The following DNAH7 variants were observed in gnomAD, a reference collection of about 807,000 sequenced individuals.
DNAH7 encodes axonemal beta dynein heavy chain 7.
DNAH7 carries 397 observed loss-of-function variants against 444.6 expected under a neutral mutation model. The ratio of observed to expected loss-of-function variants is 0.89; its 90% CI spans 0.82 to 0.97. The LOEUF is 0.97. Ranked by LOEUF, DNAH7 falls within the 50% of genes least tolerant of loss-of-function variation. DNAH7 has a pLI of 0.00. For synonymous variants in DNAH7, 1,636 were observed against 1,624.4 expected, an observed-to-expected ratio of 1.01 and a Z score of -0.17; for missense variants, 4,902 against 4,800.8, an observed-to-expected ratio of 1.02 and a Z score of -0.62.
At chr2:195,787,253 A>G in intron 57 of DNAH7, 82 bp from the exon 58 acceptor site, 1 of 1,379,252 alleles carries the variant, frequency 7.3e-7, no homozygotes, top group Non-Finnish European at 9.8e-7. Flanking sequence ...ATGAAAGCAA[A>G]TTTCTTTCAT....
intron 57 of DNAH7, among the ~76,000 whole-genome samples, chr2:195,794,042 C>T (rs898213932): frequency 1.3e-5 from 2 of 152,132 alleles, no homozygotes; most frequent in African/African-American, 4.8e-5. Flanking sequence ...ATTCTCCAAC[C>T]TTGCAGATTT....
At chr2:195,908,140 A>G (rs1687147809) in intron 25 of DNAH7, among the ~76,000 whole-genome samples, 1 of 152,162 alleles carries the variant, frequency 6.6e-6, no homozygotes, top group South Asian at 2.1e-4. Context: ...AGCAATATAT[A>G]CCAGACATTT....
intron 60 of DNAH7, 86 bp from the exon 61 acceptor site, chr2:195,771,976 T>C: frequency 8.7e-7 from 1 of 1,143,512 alleles, no homozygotes; most frequent in Non-Finnish European, 1.3e-6. Context: ...TAAATCTTTA[T>C]AAGAAAGAAC....
At chr2:195,932,518 T>C (rs548541287) in intron 21 of DNAH7, among the ~76,000 whole-genome samples, 1 of 152,198 alleles carries the variant, frequency 6.6e-6, no homozygotes, top group African/African-American at 2.4e-5. Flanking sequence ...ATGCTTCTAG[T>C]TTTTGCCCAT....
chr2:195,873,156 C>T (rs1229202110), intron 39 of DNAH7, among the ~76,000 whole-genome samples: 1 of 152,194 alleles, frequency 6.6e-6, no homozygotes, highest in East Asian at 1.9e-4. Flanking sequence ...GTCAGCTTGG[C>T]TCCCTGATAT....
intron 25 of DNAH7, 47 bp from the exon 26 acceptor site, chr2:195,907,056 G>T (rs6710775): frequency 3.5e-6 from 5 of 1,418,462 alleles, no homozygotes; most frequent in Non-Finnish European, 2.0e-6. Context: ...CTGATTCAAT[G>T]TTGCAATGAA....
In DNAH7 at chr2:195,900,308, C is replaced by A; in HGVS notation, c.4522G>T (p.Val1508Phe). ...YDYGMRAVKS[V>F]LTAAGNLKLK... ...TTCAGATTCCCAGCAGCAGTAAGAACTGACTTCACGGCTCTCATTCCATAG... is the reference window on the plus strand; with the variant it reads ...TTCAGATTCCCAGCAGCAGTAAGAAATGACTTCACGGCTCTCATTCCATAG... The change falls in exon 28 of 65, where the codon GTT becomes TTT. Residue 1508 changes from valine to phenylalanine, a missense_variant. Coordinates refer to ENST00000312428, the MANE Select transcript of DNAH7 (RefSeq NM_018897.3). The A allele has an allele frequency of 6.2e-7, 1 of 1,613,948 alleles. No homozygotes were observed. The highest frequency in any genetic ancestry group is 1.1e-5 in the South Asian group (1 of 91,084).
intron 61 of DNAH7, among the ~76,000 whole-genome samples, chr2:195,764,634 T>G (rs1358168317): frequency 2.6e-5 from 4 of 151,780 alleles, no homozygotes; most frequent in Non-Finnish European, 5.9e-5. Flanking sequence ...AGAATCCCAT[T>G]TACAATAGCT....
intron 39 of DNAH7, among the ~76,000 whole-genome samples, chr2:195,872,911 C>T (rs538637319): frequency 3.3e-5 from 5 of 150,588 alleles, no homozygotes; most frequent in African/African-American, 1.2e-4. Flanking sequence ...AATTAAAATA[C>T]GTAAAAAAAA....
intron 51 of DNAH7, 74 bp from the exon 52 acceptor site, chr2:195,809,945 G>A: frequency 8.3e-7 from 1 of 1,198,718 alleles, no homozygotes; most frequent in Non-Finnish European, 1.1e-6. Context: ...AAACTTACAT[G>A]TATGTTCTTC....
chr2:195,864,897 T>C lies in DNAH7; in HGVS notation c.6758A>G (p.Asp2253Gly). Residue 2253 changes from aspartate to glycine, a missense_variant, in exon 41 of 65, where the codon GAT (aspartate) becomes GGT (glycine). Coordinates refer to ENST00000312428, the MANE Select transcript of DNAH7 (RefSeq NM_018897.3). ...EDFHELFQRL[D>G]FDNDGMVEAD... ...TTCCACCATGCCATCATTATCAAAA[T>C]CCAAACGCTGAAAAAGCTCATGAAA... The C allele has an allele frequency of 6.2e-7, 1 of 1,613,692 alleles. No homozygotes were observed. Among genetic ancestry groups the C allele is most frequent in the Non-Finnish European group, 8.5e-7 (1 of 1,180,016 alleles).
At chr2:196,025,020 T>A (rs1036559004) in intron 7 of DNAH7, among the ~76,000 whole-genome samples, 2 of 152,206 alleles carry the variant, frequency 1.3e-5, no homozygotes, top group Non-Finnish European at 2.9e-5. Flanking sequence ...ACGATTTACA[T>A]AGCATGTACA....
Position 195,772,854 on chromosome 2 carries a change from C to T in DNAH7, c.11203-964G>A, listed in dbSNP as rs530288269. On this transcript the variant is annotated intron_variant, in intron 60 of 64. Coordinates refer to ENST00000312428, the MANE Select transcript of DNAH7 (RefSeq NM_018897.3). ...GGAGTGCCGTGGCACGATTTCCGTT[C>T]GCTGCAACCTCTGCCTCCCGGGTTC... is the stretch of plus-strand genomic sequence containing the variant. 8.3e-5 allele frequency among the ~76,000 whole-genome samples: 12 copies of T among 144,858 alleles called. No individual in the cohort carries two copies. The South Asian group carries it at 2.1e-3, about 26-fold the overall frequency.
intron 12 of DNAH7, chr2:195,998,945 T>C: frequency 1.8e-6 from 1 of 559,882 alleles, no homozygotes. Flanking sequence ...AGTTGAAAGG[T>C]CATTATGTGC....
At chr2:195,832,036 C>CAT (rs1698100741) in intron 48 of DNAH7, among the ~76,000 whole-genome samples, 1 of 152,170 alleles carries the variant, frequency 6.6e-6, no homozygotes. Flanking sequence ...TGACTAAGTA[C>CAT]ATATATATGC....
chr2:195,834,072 G>T (rs938356700), intron 48 of DNAH7, 134 bp downstream of exon 48: 8 of 850,140 alleles, frequency 9.4e-6, no homozygotes, highest in Non-Finnish European at 1.4e-5. Flanking sequence ...CCAAGCGTGG[G>T]GGCATGTGCC....
intron 54 of DNAH7, among the ~76,000 whole-genome samples, chr2:195,805,319 T>A (rs1330336704): frequency 1.3e-5 from 2 of 152,098 alleles, no homozygotes; most frequent in African/African-American, 4.8e-5. Flanking sequence ...ATAGTTTTTA[T>A]CTAGCTTAGA....
At chr2:195,991,532 G>A (rs1693341700) in intron 12 of DNAH7, among the ~76,000 whole-genome samples, 1 of 152,062 alleles carries the variant, frequency 6.6e-6, no homozygotes, top group Admixed American at 6.6e-5. Flanking sequence ...AAATATTCTG[G>A]CAGTGTTTAC....
At chr2:195,956,118 A>G (rs1424131443) in intron 19 of DNAH7, among the ~76,000 whole-genome samples, 1 of 152,210 alleles carries the variant, frequency 6.6e-6, no homozygotes, top group Admixed American at 6.5e-5. Context: ...GTTGACGTCA[A>G]TACAGTATTA....
Sources: gnomAD v4.1 joint callset for allele counts (sites outside exome capture counted in the v4.1 genomes callset) on GRCh38, gnomAD v4.1.1 for gene constraint, MANE v1.5 for transcripts, NCBI Gene and HGNC (gene_info 2026-07-23, HGNC 2026-07-21) for gene names.